The following OIT3 variants were observed in gnomAD, a reference collection of about 807,000 sequenced individuals.
OIT3 encodes the protein oncoprotein induced transcript 3, also known as oncoprotein-induced transcript 3 protein.
OIT3 carries 41 observed loss-of-function variants against 52.2 expected under a neutral mutation model. The ratio of observed to expected loss-of-function variants is 0.79; its 90% CI spans 0.61 to 1.02. The LOEUF (loss-of-function observed/expected upper bound fraction) is 1.02, where lower values mean the gene tolerates loss of function less well. OIT3 is among the 50% of genes least tolerant of loss of function. The pLI, the probability that OIT3 is intolerant of heterozygous loss-of-function variation, is 0.00. For missense variants in OIT3, 634 were observed against 715.5 expected (o/e 0.89, Z 1.30); for synonymous variants, 244 against 276.9 (o/e 0.88, Z 1.18).
intron 6 of OIT3, among the ~76,000 whole-genome samples, chr10:72,914,220 GA>G (rs754035088): frequency 6.6e-5 from 10 of 152,178 alleles, no homozygotes; most frequent in Non-Finnish European, 1.2e-4. Context: ...ACTGGAAAAT[GA>G]AACCGGAAAA....
chr10:72,904,556 AGTTCT>A (rs1845962250), intron 3 of OIT3, among the ~76,000 whole-genome samples: 1 of 152,086 alleles, frequency 6.6e-6, no homozygotes, highest in Non-Finnish European at 1.5e-5. Context: ...CATTTCTACA[AGTTCT>A]GTTTGTTTGT....
At chr10:72,899,718 TAGA>T (rs1845912944) in intron 2 of OIT3, among the ~76,000 whole-genome samples, 1 of 147,372 alleles carries the variant, frequency 6.8e-6, no homozygotes, top group Non-Finnish European at 1.5e-5. Flanking sequence ...GATAGATAGA[TAGA>T]TAGATAGATA....
rs185615240 is a variant in OIT3 at position 72,907,538 on chromosome 10, T to A, written c.667+820T>A. ...TGCTGCTGAGAAGCACCTGGGGCTT[T>A]TACGCTTAGCCCCTCCCAGACCCTC... On this transcript the variant is annotated intron_variant, in intron 4 of 8. Coordinates refer to ENST00000334011, the MANE Select transcript of OIT3 (RefSeq NM_152635.3). 2.7e-3 allele frequency among the ~76,000 whole-genome samples: 406 copies of A among 152,300 alleles called. 3 individuals carry two copies. The highest frequency in any genetic ancestry group is 9.5e-3 in the African/African-American group (394 of 41,568).
chr10:72,918,501 G>T, intron 6 of OIT3: 2 of 1,394,418 alleles, frequency 1.4e-6, no homozygotes, highest in Non-Finnish European at 2.0e-6. Context: ...TGGGGCCTCA[G>T]GAGGCTCATG....
At chr10:72,903,798 G>A (rs1026234179) in intron 3 of OIT3, among the ~76,000 whole-genome samples, 3 of 151,990 alleles carry the variant, frequency 2.0e-5, no homozygotes, top group Admixed American at 6.6e-5. Context: ...GGAACTGCTG[G>A]GGCATAGAGT....
intron 7 of OIT3, among the ~76,000 whole-genome samples, chr10:72,926,482 T>A (rs1455794576): frequency 4.6e-5 from 7 of 152,172 alleles, no homozygotes; most frequent in Admixed American, 1.3e-4. Flanking sequence ...ACATCTCAGC[T>A]CCACAGAGCC....
At chr10:72,908,637 A>G (rs762199029) in intron 4 of OIT3, among the ~76,000 whole-genome samples, 2 of 152,158 alleles carry the variant, frequency 1.3e-5, no homozygotes, top group Non-Finnish European at 2.9e-5. Flanking sequence ...TAATTATTTT[A>G]TGTAATAATC....
chr10:72,906,052 C>T (rs1194810968), intron 3 of OIT3, among the ~76,000 whole-genome samples: 1 of 152,134 alleles, frequency 6.6e-6, no homozygotes, highest in Non-Finnish European at 1.5e-5. Context: ...GAGTCCATAC[C>T]TTTCATCAGA....
intron 4 of OIT3, among the ~76,000 whole-genome samples, chr10:72,910,427 G>A (rs978120135): frequency 1.3e-5 from 2 of 151,966 alleles, no homozygotes; most frequent in African/African-American, 2.4e-5. Context: ...AGGCCGAGGC[G>A]GGTAGATCAC....
chr10:72,906,238 A>T (rs1447657109), intron 3 of OIT3, among the ~76,000 whole-genome samples: 1 of 152,240 alleles, frequency 6.6e-6, no homozygotes, highest in Non-Finnish European at 1.5e-5. Context: ...AATTTACTTT[A>T]TAAGTTTGTA....
At chr10:72,930,727 C>G (rs1346136367) in intron 8 of OIT3, 90 bp downstream of exon 8, 1 of 796,164 alleles carries the variant, frequency 1.3e-6, no homozygotes, top group Non-Finnish European at 2.1e-6. Flanking sequence ...TTCCAAGAGC[C>G]CACTGGTGGG....
intron 7 of OIT3, among the ~76,000 whole-genome samples, chr10:72,927,782 T>G (rs1385380825): frequency 6.6e-6 from 1 of 152,174 alleles, no homozygotes; most frequent in Non-Finnish European, 1.5e-5. Context: ...GCATGCTGTT[T>G]CCTCTGCCTG....
chr10:72,899,759 G>GATAGATA (rs1564589221), intron 2 of OIT3, among the ~76,000 whole-genome samples: 2 of 136,446 alleles, frequency 1.5e-5, no homozygotes, highest in Non-Finnish European at 3.0e-5. Flanking sequence ...ATAGATAGAT[G>GATAGATA]ATAGATAGAT....
In OIT3 at chr10:72,927,580, C is replaced by G. The variant is rs150055367; in HGVS notation, c.1367+2936C>G. Among the ~76,000 whole-genome samples the G allele has an allele frequency of 3.0e-3, 451 of 152,224 alleles. 3 individuals are homozygous for G. The highest frequency in any genetic ancestry group is 0.01 in the African/African-American group (426 of 41,538). On this transcript the variant is annotated intron_variant, in intron 7 of 8. Transcript: ENST00000334011. Reference sequence around the variant, plus strand: ...AATGTGAAAACCACAGCAGTGTGGCCCTACTTTGTAAGCAGACAAATCATC... The same window carrying G: ...AATGTGAAAACCACAGCAGTGTGGCGCTACTTTGTAAGCAGACAAATCATC...
At chr10:72,909,023 G>A (rs1846005982) in intron 4 of OIT3, among the ~76,000 whole-genome samples, 1 of 148,830 alleles carries the variant, frequency 6.7e-6, no homozygotes, top group Admixed American at 6.7e-5. Flanking sequence ...GGTTTCTATT[G>A]AGCCCATCAC....
At chr10:72,895,198 A>G (rs1845863494) in intron 1 of OIT3, among the ~76,000 whole-genome samples, 1 of 152,178 alleles carries the variant, frequency 6.6e-6, no homozygotes, top group African/African-American at 2.4e-5. Context: ...TCCAAAAAAT[A>G]TGCTTGAGCT....
chr10:72,902,716 A>G (rs1359220453), intron 3 of OIT3, among the ~76,000 whole-genome samples: 1 of 152,218 alleles, frequency 6.6e-6, no homozygotes, highest in African/African-American at 2.4e-5. Context: ...GAGCATGTGT[A>G]GGGGAACTCC....
intron 5 of OIT3, 125 bp downstream of exon 5, chr10:72,911,964 A>G (rs1161738081): frequency 2.6e-6 from 2 of 755,208 alleles, no homozygotes; most frequent in Non-Finnish European, 4.2e-6. Context: ...CTCTTCGAGC[A>G]GTGTGTATTG....
intron 8 of OIT3, 126 bp downstream of exon 8, chr10:72,930,763 A>C: frequency 1.6e-6 from 1 of 642,156 alleles, no homozygotes; most frequent in East Asian, 2.7e-5. Flanking sequence ...AGAGAAAAAC[A>C]GAGAAACTGG....
Sources: allele counts gnomAD v4.1 joint callset (sites outside exome capture counted in the v4.1 genomes callset), GRCh38; gene constraint gnomAD v4.1.1; transcripts MANE v1.5; gene names NCBI Gene and HGNC (gene_info 2026-07-23, HGNC 2026-07-21).